The following HAUS7 variants were observed in gnomAD, a reference collection of about 807,000 sequenced individuals.
HAUS7 encodes the protein HAUS augmin-like complex subunit 7.
HAUS7 carries 3 observed loss-of-function variants against 28.4 expected under a neutral mutation model. That is an observed-to-expected ratio of 0.11 (90% confidence interval 0.05 to 0.27). The LOEUF (loss-of-function observed/expected upper bound fraction) is 0.27. HAUS7 is among the 10% of genes least tolerant of loss of function. The pLI, the probability that HAUS7 is intolerant of heterozygous loss-of-function variation, is 1.00. For synonymous variants in HAUS7, 165 were observed against 132.1 expected (o/e 1.25, Z -1.71); for missense variants, 284 against 297.3 (o/e 0.96, Z 0.33).
intron 1 of HAUS7, chrX:153,480,913 AG>A (rs2089595664): frequency 2.7e-6 from 2 of 754,459 alleles, no homozygotes; most frequent in African/African-American, 2.3e-5. Context: ...CAAGCTCAAG[AG>A]GGGGCAGCAG....
At position 153,463,979 on chromosome X, in the gene HAUS7, C is replaced by G. The variant is rs782223122; in HGVS notation, c.292+1009G>C. Reference sequence around the variant, plus strand: ...CGCTAGCACGCAAGCGCCACGAGGGCAGTGGAACTCACTGCTGCACCCCAG... The same window carrying G: ...CGCTAGCACGCAAGCGCCACGAGGGGAGTGGAACTCACTGCTGCACCCCAG... On this transcript the variant is annotated intron_variant, in intron 3 of 9. Coordinates refer to ENST00000370211, the MANE Select transcript of HAUS7 (RefSeq NM_001385482.1). Among the ~76,000 whole-genome samples the G allele has an allele frequency of 4.4e-5, 5 of 112,835 alleles. No individual in the cohort carries two copies. In the South Asian group the frequency reaches 1.8e-3, roughly 41 times the overall value.
intron 2 of HAUS7, 104 bp from the exon 3 acceptor site, chrX:153,465,159 G>A (rs960605706): frequency 4.1e-5 from 21 of 506,760 alleles, no homozygotes; most frequent in Middle Eastern, 3.6e-4. Flanking sequence ...CGTGCTCAAC[G>A]GCACGGAGCG....
chrX:153,491,702 G>A (rs1196119661), intron 1 of HAUS7, among the ~76,000 whole-genome samples: 1 of 113,090 alleles, frequency 8.8e-6, no homozygotes, highest in Non-Finnish European at 1.9e-5. Context: ...GGGGCCCTGT[G>A]CAGGGGCAAC....
intron 8 of HAUS7, chrX:153,455,141 G>C (rs782494283): frequency 3.9e-5 from 19 of 482,804 alleles, no homozygotes; most frequent in Admixed American, 5.8e-5. Flanking sequence ...AGACAGGCAG[G>C]CATTTGTCTG....
chrX:153,479,498 C>T (rs2089584769), intron 1 of HAUS7: 6 of 457,734 alleles, frequency 1.3e-5, no homozygotes, highest in South Asian at 1.1e-4. Context: ...AGAGCCCTCC[C>T]TGGAGGGCGA....
intron 1 of HAUS7, chrX:153,483,538 C>T (rs1408582230): frequency 4.7e-5 from 32 of 685,673 alleles, no homozygotes; most frequent in South Asian, 7.6e-5. Context: ...GTGGGGAAGG[C>T]GGAGAGGGCA....
rs782703490 is a variant in HAUS7, at chrX:153,460,706, G to A, written c.354+1904C>T. On this transcript the variant is annotated intron_variant, in intron 4 of 9. Coordinates refer to ENST00000370211, the MANE Select transcript of HAUS7 (RefSeq NM_001385482.1). Reference sequence around the variant, plus strand: ...AGCAAGCGCAGTGCTCCCACGGCTGGGCAGAATGTATGGGGCAGGTGCTCG... The same window carrying A: ...AGCAAGCGCAGTGCTCCCACGGCTGAGCAGAATGTATGGGGCAGGTGCTCG... 3.6e-5 allele frequency among the ~76,000 whole-genome samples: 4 copies of A among 112,078 alleles called. No individual in the cohort carries two copies. The South Asian group carries it at 1.1e-3, about 31-fold the overall frequency.
At chrX:153,466,714 T>C (rs2089459303) in intron 2 of HAUS7, among the ~76,000 whole-genome samples, 1 of 112,491 alleles carries the variant, frequency 8.9e-6, no homozygotes, top group Non-Finnish European at 1.9e-5. Flanking sequence ...GTATGCTCCC[T>C]GGCAGCTTTT....
rs2089220961 is a variant in HAUS7, at chrX:153,450,150, G to C, written c.1046-2241C>G. Reference sequence around the variant, plus strand: ...GGGTCTCTCTCTGGAGGACAGTTTGGAGGAGTTCCATGGAGGCGAGGCAGG... The same window carrying C: ...GGGTCTCTCTCTGGAGGACAGTTTGCAGGAGTTCCATGGAGGCGAGGCAGG... On this transcript the variant is annotated intron_variant, in intron 9 of 9. Transcript: ENST00000370211. Among the ~76,000 whole-genome samples, 10 of 111,494 alleles carry C rather than the reference G, an allele frequency of 9.0e-5. No individual in the cohort carries two copies. The South Asian group carries it at 3.8e-3, about 42-fold the overall frequency.
chrX:153,464,747 C>G (rs1359708434), intron 3 of HAUS7, among the ~76,000 whole-genome samples: 1 of 112,332 alleles, frequency 8.9e-6, no homozygotes, highest in African/African-American at 3.2e-5. Context: ...GGAACCACTG[C>G]TGGCATCGGC....
At chrX:153,492,297 C>A (rs980602473) in intron 1 of HAUS7, among the ~76,000 whole-genome samples, 5 of 112,400 alleles carry the variant, frequency 4.4e-5, no homozygotes, top group African/African-American at 1.6e-4. Context: ...CAGAGAGAGC[C>A]CAGGCCTGAG....
chrX:153,474,470 G>C (rs942718455), upstream of HAUS7, among the ~76,000 whole-genome samples: 27 of 112,138 alleles, frequency 2.4e-4, no homozygotes, highest in African/African-American at 8.7e-4. Flanking sequence ...CAGGCCACAG[G>C]CTCCTGCAAG....
chrX:153,486,639 C>G, intron 1 of HAUS7: 1 of 983,262 alleles, frequency 1.0e-6, no homozygotes, highest in Non-Finnish European at 1.3e-6. Flanking sequence ...GACAAGTGCC[C>G]TTGAATTCCA....
intron 2 of HAUS7, among the ~76,000 whole-genome samples, chrX:153,465,385 T>C (rs1267736693): frequency 9.1e-6 from 1 of 109,627 alleles, no homozygotes; most frequent in African/African-American, 3.3e-5. Context: ...CTCAGGGCTC[T>C]TTCTCGAAAT....
intron 1 of HAUS7, among the ~76,000 whole-genome samples, chrX:153,475,803 C>G (rs1602949519): frequency 1.2e-5 from 1 of 85,674 alleles, no homozygotes; most frequent in Non-Finnish European, 2.3e-5. Flanking sequence ...AGGACAGGCA[C>G]GTAGTAGGTG....
At chrX:153,469,085 G>T in intron 2 of HAUS7, 61 bp downstream of exon 2, 1 of 633,538 alleles carries the variant, frequency 1.6e-6, no homozygotes, top group Non-Finnish European at 2.7e-6. Flanking sequence ...TCTTCCCCAG[G>T]TGGGGCTGGC....
In HAUS7 at chrX:153,463,577, G is replaced by T. The variant is rs562402326; in HGVS notation, c.293-906C>A. On this transcript the variant is annotated intron_variant, in intron 3 of 9. Coordinates refer to ENST00000370211, the MANE Select transcript of HAUS7 (RefSeq NM_001385482.1). ...CCCTGTTCCCAGCACAGTGGGCCAG[G>T]GGTGTCGTTACAGCCAAGAGCAGAA... is the stretch of plus-strand genomic sequence containing the variant. Among the ~76,000 whole-genome samples the T allele has an allele frequency of 2.0e-4, 23 of 112,435 alleles. No individual in the cohort carries two copies. The South Asian group carries it at 8.0e-3, about 39-fold the overall frequency.
At position 153,483,343 on chromosome X, in the gene HAUS7, G is replaced by A. The variant is rs947726915; in HGVS notation, c.-589+12031C>T. 9 of 754,121 alleles carry A rather than the reference G, an allele frequency of 1.2e-5. No individual in the cohort carries two copies. The South Asian group carries it at 2.7e-4, about 23-fold the overall frequency. The allele number at this position is 754,121 out of a possible 1,213,427, so 62.1% of individuals were successfully genotyped here. A position where few individuals can be genotyped will look rare whatever the true frequency, so the allele number is the denominator to read the frequency against. On this transcript the variant is annotated intron_variant, in intron 1 of 5. Coordinates refer to the HAUS7 transcript ENST00000370210. Reference sequence around the variant, plus strand: ...GCACCAACCTCATCGAGGAGGTGGCGGAGGGCGCACTGAGCCACATCCACA... The same window carrying A: ...GCACCAACCTCATCGAGGAGGTGGCAGAGGGCGCACTGAGCCACATCCACA...
chrX:153,478,416 T>C (rs999812726), intron 1 of HAUS7, among the ~76,000 whole-genome samples: 20 of 112,332 alleles, frequency 1.8e-4, no homozygotes, highest in African/African-American at 6.1e-4. Flanking sequence ...TTCCACCTCA[T>C]GTCATCCTGA....
Sources: gnomAD v4.1 joint callset for allele counts (sites outside exome capture counted in the v4.1 genomes callset) on GRCh38, gnomAD v4.1.1 for gene constraint, MANE v1.5 for transcripts, NCBI Gene and HGNC (gene_info 2026-07-23, HGNC 2026-07-21) for gene names.